Variants in SHC3 observed in about 807,000 individuals in gnomAD.
The protein encoded by SHC3 is SHC adaptor protein 3.
A neutral mutation model predicts 60.4 loss-of-function variants in SHC3; 15 were observed. The observed-to-expected ratio is 0.25, with a 90% CI of 0.17 to 0.38. The LOEUF (loss-of-function observed/expected upper bound fraction) is 0.38. Among genes scored for constraint, SHC3 ranks in the 10% least tolerant of loss-of-function variants. The probability of loss-of-function intolerance (pLI) is 1.00; values close to 1 mark genes in which losing one functional copy is unlikely to be tolerated. For synonymous variants in SHC3, 294 were observed against 325.9 expected (o/e 0.90, Z 1.05); for missense variants, 677 against 786.1 (o/e 0.86, Z 1.66).
intron 11 of SHC3, among the ~76,000 whole-genome samples, chr9:89,037,132 T>C (rs1824594964): frequency 6.6e-6 from 1 of 152,136 alleles, no homozygotes; most frequent in Admixed American, 6.6e-5. Flanking sequence ...GCTGGGGTAT[T>C]CAGGCAACTG....
At chr9:89,145,806 T>G (rs1332968873) in intron 1 of SHC3, among the ~76,000 whole-genome samples, 2 of 152,182 alleles carry the variant, frequency 1.3e-5, no homozygotes, top group African/African-American at 2.4e-5. Flanking sequence ...TTAGATAAAG[T>G]AAGAAAGAAC....
chr9:89,108,505 G>C (rs1825898177), intron 2 of SHC3, among the ~76,000 whole-genome samples: 1 of 151,790 alleles, frequency 6.6e-6, no homozygotes, highest in East Asian at 1.9e-4. Flanking sequence ...TAGACGACAG[G>C]AGTGAAACAC....
At chr9:89,064,469 A>C (rs1353759715) in intron 6 of SHC3, among the ~76,000 whole-genome samples, 2 of 152,194 alleles carry the variant, frequency 1.3e-5, no homozygotes, top group Non-Finnish European at 2.9e-5. Context: ...TTTGCCCCTG[A>C]GAAATGAAGT....
chr9:89,094,286 G>T (rs1825668308), intron 2 of SHC3, among the ~76,000 whole-genome samples: 1 of 152,132 alleles, frequency 6.6e-6, no homozygotes, highest in Non-Finnish European at 1.5e-5. Context: ...AGTGATTTCA[G>T]AACAGGAATT....
At chr9:89,078,214 G>C (rs1455817732) in intron 2 of SHC3, among the ~76,000 whole-genome samples, 1 of 143,992 alleles carries the variant, frequency 6.9e-6, no homozygotes, top group Non-Finnish European at 1.5e-5. Flanking sequence ...TTCTATTTTT[G>C]TAAGTCAGCA....
chr9:89,136,367 T>C (rs1180550830), intron 1 of SHC3, among the ~76,000 whole-genome samples: 1 of 152,116 alleles, frequency 6.6e-6, no homozygotes, highest in Non-Finnish European at 1.5e-5. Context: ...CAGCACAAAA[T>C]ACAGGTCATA....
At chr9:89,044,220 G>A (rs999376874) in intron 9 of SHC3, among the ~76,000 whole-genome samples, 18 of 152,226 alleles carry the variant, frequency 1.2e-4, no homozygotes, top group African/African-American at 4.1e-4. Flanking sequence ...TTAAATGTGT[G>A]TAGAACAAGG....
At chr9:89,172,237 A>G (rs1177801565) in intron 1 of SHC3, among the ~76,000 whole-genome samples, 6 of 152,154 alleles carry the variant, frequency 3.9e-5, no homozygotes, top group African/African-American at 1.4e-4. Context: ...GCTTATTTAT[A>G]ACCGTGACTG....
chr9:89,031,145 CA>C (rs2118667425), intron 11 of SHC3, among the ~76,000 whole-genome samples: 1 of 152,264 alleles, frequency 6.6e-6, no homozygotes, highest in Non-Finnish European at 1.5e-5. Flanking sequence ...CTCAGCCTCC[CA>C]AAATGTTAGG....
intron 1 of SHC3, among the ~76,000 whole-genome samples, chr9:89,137,888 G>A (rs1301777443): frequency 2.0e-5 from 3 of 152,166 alleles, no homozygotes; most frequent in South Asian, 4.1e-4. Context: ...AGAAAAGAAC[G>A]ATAACAGCCC....
chr9:89,008,798 G>A lies in SHC3; in HGVS notation c.*4649C>T, dbSNP rs916429596. 1 of 152,140 alleles carries A rather than the reference G, an allele frequency of 6.6e-6. No homozygotes were observed. Among genetic ancestry groups the A allele is most frequent in the African/African-American group, 2.4e-5 (1 of 41,420 alleles). The allele number at this position is 152,140 out of a possible 1,614,324, so 9.4% of individuals were successfully genotyped here. On this transcript the variant is annotated 3_prime_UTR_variant, in exon 12 of 12. Coordinates refer to ENST00000375835, the MANE Select transcript of SHC3 (RefSeq NM_016848.6). ...CTCTGTCTCTCGGGGTTCCCCGGTGGGATTCAGCTCCAGTTGTGCACATGA... is the reference window on the plus strand; with the variant it reads ...CTCTGTCTCTCGGGGTTCCCCGGTGAGATTCAGCTCCAGTTGTGCACATGA...
chr9:89,158,833 A>G (rs180705304), intron 1 of SHC3, among the ~76,000 whole-genome samples: 1 of 152,354 alleles, frequency 6.6e-6, no homozygotes, highest in East Asian at 1.9e-4. Context: ...GTACTATTCC[A>G]TAGTGTAAAT....
intron 2 of SHC3, among the ~76,000 whole-genome samples, chr9:89,105,864 G>C (rs747631421): frequency 6.6e-6 from 1 of 152,034 alleles, no homozygotes; most frequent in Non-Finnish European, 1.5e-5. Context: ...CCTTCAGTTA[G>C]AAAAAACACC....
At chr9:89,177,837 CGAGCTGATT>C (rs1826964203) in intron 1 of SHC3, 141 bp downstream of exon 1, 1 of 1,064,872 alleles carries the variant, frequency 9.4e-7, no homozygotes, top group Non-Finnish European at 1.2e-6. Context: ...CGCTGTCAAG[CGAGCTGATT>C]GCTAAGGAGT....
intron 4 of SHC3, among the ~76,000 whole-genome samples, chr9:89,072,542 T>A (rs1347315454): frequency 6.6e-6 from 1 of 152,088 alleles, no homozygotes; most frequent in Non-Finnish European, 1.5e-5. Context: ...AGACAATCCA[T>A]GTTAATTTTG....
At chr9:89,169,726 G>A (rs991731859) in intron 1 of SHC3, among the ~76,000 whole-genome samples, 5 of 152,200 alleles carry the variant, frequency 3.3e-5, no homozygotes, top group African/African-American at 4.8e-5. Flanking sequence ...ATGGCACTGA[G>A]CTGATGGCTG....
Position 89,127,955 on chromosome 9 carries a change from C to T in SHC3, c.475-15329G>A, listed in dbSNP as rs11507067. On this transcript the variant is annotated intron_variant, in intron 1 of 11. Coordinates refer to ENST00000375835, the MANE Select transcript of SHC3 (RefSeq NM_016848.6). ...TGCATGCTTTCCTACCCCTGTTCCT[C>T]TGAGGGCTCCACCCTGAAACAAGTA... Among the ~76,000 whole-genome samples the T allele has an allele frequency of 4.0e-4, 61 of 152,258 alleles. 1 individual carries two copies. Among genetic ancestry groups the T allele is most frequent in the African/African-American group, 1.5e-3 (61 of 41,570 alleles).
At chr9:89,060,533 C>T (rs1162011550) in intron 6 of SHC3, among the ~76,000 whole-genome samples, 1 of 151,914 alleles carries the variant, frequency 6.6e-6, no homozygotes, top group East Asian at 1.9e-4. Context: ...GAGGCAAGAG[C>T]TTGCTTGGCA....
chr9:89,144,576 A>C (rs547965852), intron 1 of SHC3, among the ~76,000 whole-genome samples: 33 of 152,260 alleles, frequency 2.2e-4, no homozygotes, highest in Middle Eastern at 6.8e-3. Context: ...CTAACTCTTG[A>C]CCTCAACCAT....
Sources: gnomAD v4.1 joint callset for allele counts (sites outside exome capture counted in the v4.1 genomes callset) on GRCh38, gnomAD v4.1.1 for gene constraint, MANE v1.5 for transcripts, NCBI Gene and HGNC (gene_info 2026-07-23, HGNC 2026-07-21) for gene names.